Variants in ELK4 observed in about 807,000 individuals in gnomAD.
ELK4 encodes ETS transcription factor ELK4.
Under a neutral mutation model 29.6 loss-of-function variants are expected in ELK4, and 16 were observed. The ratio of observed to expected loss-of-function variants is 0.54; its 90% CI spans 0.37 to 0.82. The LOEUF is 0.82. Ranked by LOEUF, ELK4 falls within the 40% of genes least tolerant of loss-of-function variation. ELK4 has a pLI of 0.00. For synonymous variants in ELK4, 213 were observed against 191.1 expected (o/e 1.11, Z -0.95); for missense variants, 465 against 507.1 (o/e 0.92, Z 0.80).
Position 205,613,092 on chromosome 1 carries a change from G to A in ELK4, c.*3454C>T, listed in dbSNP as rs1257969920. The A allele has an allele frequency of 5.1e-6, 1 of 197,756 alleles. No homozygotes were observed. 12.3% of individuals were successfully genotyped at this position (197,756 alleles called of 1,614,324 possible). On this transcript the variant is annotated 3_prime_UTR_variant, in exon 5 of 5. Coordinates refer to ENST00000357992, the MANE Select transcript of ELK4 (RefSeq NM_001973.4). ...TACATTTAAAAAAAAAAAAATCAAT[G>A]GAAATTTCCACCTTTGTTCGAACAC... is the stretch of plus-strand genomic sequence containing the variant.
At chr1:205,619,175 C>G in intron 3 of ELK4, 102 bp from the exon 4 acceptor site, 1 of 1,188,102 alleles carries the variant, frequency 8.4e-7, no homozygotes, top group Non-Finnish European at 1.1e-6. Flanking sequence ...GCCCTATCCT[C>G]CACTCCAAAT....
Position 205,631,645 on chromosome 1 carries a change from G to T in ELK4, c.-23C>A. ...CTGACCGCTCACCGACGCCGCGCGCGGGGCTCCCCCTCGGTCTCCGCCTCG... is the reference window on the plus strand; with the variant it reads ...CTGACCGCTCACCGACGCCGCGCGCTGGGCTCCCCCTCGGTCTCCGCCTCG... On this transcript the variant is annotated 5_prime_UTR_variant, in exon 1 of 5. Coordinates refer to ENST00000357992, the MANE Select transcript of ELK4 (RefSeq NM_001973.4). 3.0e-6 allele frequency: 1 copy of T among 328,030 alleles called. No individual in the cohort carries two copies. Among genetic ancestry groups the T allele is most frequent in the South Asian group, 2.1e-5 (1 of 47,952 alleles). The allele number at this position is 328,030 out of a possible 1,614,324, so 20.3% of individuals were successfully genotyped here. A position where few individuals can be genotyped will look rare whatever the true frequency, so the allele number is the denominator to read the frequency against.
At chr1:205,631,232 C>T (rs1360821946) in intron 1 of ELK4, among the ~76,000 whole-genome samples, 2 of 152,204 alleles carry the variant, frequency 1.3e-5, no homozygotes, top group African/African-American at 2.4e-5. Flanking sequence ...GCCGCGTGTG[C>T]CCTACAGGAG....
intron 1 of ELK4, among the ~76,000 whole-genome samples, chr1:205,624,160 C>T (rs981577149): frequency 6.6e-6 from 1 of 152,152 alleles, no homozygotes; most frequent in African/African-American, 2.4e-5. Context: ...AAGGATGCCA[C>T]GCTGCTTAAG....
chr1:205,626,356 C>T lies in ELK4; in HGVS notation c.-9-2465G>A, dbSNP rs530371300. Among the ~76,000 whole-genome samples the T allele has an allele frequency of 2.0e-5, 3 of 152,254 alleles. No individual in the cohort carries two copies. The East Asian group carries it at 5.8e-4, about 29-fold the overall frequency. The stretch of plus-strand genomic sequence containing the variant: ...TACCTCTCCTTTCTCCTTTCTTCCC[C>T]TTTCTCTGCCCGCCTTTCCCATTCT... On this transcript the variant is annotated intron_variant, in intron 1 of 4. Transcript: ENST00000357992.
chr1:205,629,226 T>C (rs1470843542), intron 1 of ELK4, among the ~76,000 whole-genome samples: 2 of 149,572 alleles, frequency 1.3e-5, no homozygotes, highest in Non-Finnish European at 3.0e-5. Flanking sequence ...TAGACTGAAG[T>C]ATTAGAAATG....
intron 1 of ELK4, chr1:205,626,212 CTT>C: frequency 1.8e-6 from 1 of 563,686 alleles, no homozygotes; most frequent in South Asian, 1.6e-5. Context: ...GCCTCCCTTT[CTT>C]GACCTCCTCC....
chr1:205,628,695 C>T (rs1181813790), intron 1 of ELK4, among the ~76,000 whole-genome samples: 2 of 152,182 alleles, frequency 1.3e-5, no homozygotes, highest in African/African-American at 4.8e-5. Flanking sequence ...AACAGGTGTT[C>T]CCCAGATGGT....
intron 2 of ELK4, among the ~76,000 whole-genome samples, chr1:205,621,597 G>A (rs1024822874): frequency 6.6e-6 from 1 of 151,992 alleles, no homozygotes; most frequent in African/African-American, 2.4e-5. Flanking sequence ...TCAGCTCACT[G>A]CAACCTCTGC....
Position 205,614,424 on chromosome 1 carries a change from T to C in ELK4, c.*2122A>G, listed in dbSNP as rs905138269. ...AATTAAAACTATTTCAAAGTGCTGCTGAGAGGTCCAATTTCAAACAGGCAT... is the reference window on the plus strand; with the variant it reads ...AATTAAAACTATTTCAAAGTGCTGCCGAGAGGTCCAATTTCAAACAGGCAT... On this transcript the variant is annotated 3_prime_UTR_variant, in exon 5 of 5. Transcript: ENST00000357992. The C allele has an allele frequency of 1.3e-5, 3 of 228,020 alleles. No homozygotes were observed. Among genetic ancestry groups the C allele is most frequent in the African/African-American group, 6.7e-5 (3 of 45,104 alleles). The allele number at this position is 228,020 out of a possible 1,614,324, so 14.1% of individuals were successfully genotyped here.
At chr1:205,630,393 TAC>T (rs1358405972) in intron 1 of ELK4, among the ~76,000 whole-genome samples, 2 of 152,228 alleles carry the variant, frequency 1.3e-5, no homozygotes, top group African/African-American at 4.8e-5. Flanking sequence ...ATGTTTATAA[TAC>T]ACACAGTCCA....
At position 205,617,006 on chromosome 1, in the gene ELK4, G is replaced by A. The variant is rs61690504; in HGVS notation, c.1198-362C>T. On this transcript the variant is annotated intron_variant, in intron 4 of 4. Transcript: ENST00000357992. Reference sequence around the variant, plus strand: ...CTACAGAGTGTAATTCAATTATGGAGCAAATCATAAACCCTCAAAAAGAGA... The same window carrying A: ...CTACAGAGTGTAATTCAATTATGGAACAAATCATAAACCCTCAAAAAGAGA... 1.4e-3 allele frequency among the ~76,000 whole-genome samples: 217 copies of A among 152,268 alleles called. 1 individual carries two copies. The highest frequency in any genetic ancestry group is 4.4e-3 in the African/African-American group (182 of 41,552).
In ELK4 at chr1:205,609,383, A is replaced by G. The variant is rs1308378594; in HGVS notation, c.*7163T>C. 1.0e-5 allele frequency: 2 copies of G among 193,064 alleles called. No individual in the cohort carries two copies. The highest frequency in any genetic ancestry group is 6.1e-5 in the Admixed American group (1 of 16,320). The allele number at this position is 193,064 out of a possible 1,614,324, so 12.0% of individuals were successfully genotyped here. A position where few individuals can be genotyped will look rare whatever the true frequency, so the allele number is the denominator to read the frequency against. ...TTCATATTTAATCTTCCCTGCCCAC[A>G]AAGATAAATGAAACTGCTCAAAGGC... On this transcript the variant is annotated 3_prime_UTR_variant, in exon 5 of 5. Coordinates refer to ENST00000357992, the MANE Select transcript of ELK4 (RefSeq NM_001973.4).
rs1670135696 is a variant in ELK4 at position 205,610,495 on chromosome 1, C to T, written c.*6051G>A. 8.7e-6 allele frequency: 2 copies of T among 229,190 alleles called. No homozygotes were observed. Among genetic ancestry groups the T allele is most frequent in the Non-Finnish European group, 8.6e-6 (1 of 115,688 alleles). 14.2% of individuals were successfully genotyped at this position (229,190 alleles called of 1,614,324 possible). On this transcript the variant is annotated 3_prime_UTR_variant, in exon 5 of 5. Coordinates refer to ENST00000357992, the MANE Select transcript of ELK4 (RefSeq NM_001973.4). ...AATAAAGATTTTACACAAAAGCAAA[C>T]ATAAATGTAGAAATTTTAAGAAAGG... is the stretch of plus-strand genomic sequence containing the variant.
At position 205,623,586 on chromosome 1, in the gene ELK4, A is replaced by T. The variant is rs944619290; in HGVS notation, c.207+90T>A. The stretch of plus-strand genomic sequence containing the variant: ...CTCCTTGGCCTCCCAAAGTGCTGGG[A>T]TTACAGGCGTGAGCCACTGTGCCCA... On this transcript the variant is annotated intron_variant, in intron 2 of 4. Coordinates refer to ENST00000357992, the MANE Select transcript of ELK4 (RefSeq NM_001973.4). 18 of 1,453,712 alleles carry T rather than the reference A, an allele frequency of 1.2e-5. No individual in the cohort carries two copies. In the Admixed American group the frequency reaches 3.1e-4, roughly 25 times the overall value. 90.1% of individuals were successfully genotyped at this position (1,453,712 alleles called of 1,614,324 possible).
In ELK4 at chr1:205,616,535, A is replaced by AAGTG; in HGVS notation, c.*7_*10dup. The AAGTG allele has an allele frequency of 2.5e-6, 4 of 1,612,026 alleles. No homozygotes were observed. The highest frequency in any genetic ancestry group is 3.4e-6 in the Non-Finnish European group (4 of 1,178,130). ...TCGTTCCTCGGTTCTCTCATTCCAC[A>AAGTG]AGTGCATAGGTTATGTCTTCTGTAG... is the stretch of plus-strand genomic sequence containing the variant. On this transcript the variant is annotated 3_prime_UTR_variant, in exon 5 of 5. Transcript: ENST00000357992.
chr1:205,610,845 A>G lies in ELK4; in HGVS notation c.*5701T>C, dbSNP rs1277404697. ...GCATACACATACATTTACTAGGACAATAAATCAGAATGACTTGGAAAAAGA... is the reference window on the plus strand; with the variant it reads ...GCATACACATACATTTACTAGGACAGTAAATCAGAATGACTTGGAAAAAGA... On this transcript the variant is annotated 3_prime_UTR_variant, in exon 5 of 5. Transcript: ENST00000357992. 1 of 231,002 alleles carries G rather than the reference A, an allele frequency of 4.3e-6. No individual in the cohort carries two copies. Among genetic ancestry groups the G allele is most frequent in the East Asian group, 6.1e-5 (1 of 16,290 alleles). 14.3% of individuals were successfully genotyped at this position (231,002 alleles called of 1,614,324 possible). A position where few individuals can be genotyped will look rare whatever the true frequency, so the allele number is the denominator to read the frequency against.
At chr1:205,626,277 G>A in intron 1 of ELK4, 1 of 408,770 alleles carries the variant, frequency 2.4e-6, no homozygotes, top group Non-Finnish European at 4.7e-6. Flanking sequence ...CTTAATGTTT[G>A]AGGCTTTCTT....
At chr1:205,627,324 A>G (rs1004606279) in intron 1 of ELK4, among the ~76,000 whole-genome samples, 2 of 152,090 alleles carry the variant, frequency 1.3e-5, no homozygotes, top group Non-Finnish European at 2.9e-5. Flanking sequence ...CCTGTCTAAC[A>G]CAGTGAAACC....
Sources: gnomAD v4.1 joint callset for allele counts (sites outside exome capture counted in the v4.1 genomes callset) on GRCh38, gnomAD v4.1.1 for gene constraint, MANE v1.5 for transcripts, NCBI Gene and HGNC (gene_info 2026-07-23, HGNC 2026-07-21) for gene names.